Variants in PRKX observed in about 807,000 individuals in gnomAD.
PRKX encodes protein kinase cAMP-dependent X-linked catalytic subunit, also known as cAMP-dependent protein kinase catalytic subunit PRKX.
A neutral mutation model predicts 22.0 loss-of-function variants in PRKX; 12 were observed. The observed-to-expected ratio is 0.54, with a 90% CI of 0.35 to 0.88. PRKX has a LOEUF of 0.88. Among genes scored for constraint, PRKX ranks in the 40% least tolerant of loss-of-function variants. The pLI is 0.01. For synonymous variants in PRKX, 134 were observed against 137.7 expected (o/e 0.97, Z 0.19); for missense variants, 217 against 308.0 (o/e 0.70, Z 2.21).
chrX:3,626,964 G>C (rs1227556544), intron 4 of PRKX, among the ~76,000 whole-genome samples: 2 of 111,242 alleles, frequency 1.8e-5, no homozygotes, highest in African/African-American at 3.3e-5. Flanking sequence ...TGGACAGGTG[G>C]TCTTCACAGA....
chrX:3,697,733 T>A (rs1221284500), intron 1 of PRKX, among the ~76,000 whole-genome samples: 1 of 110,242 alleles, frequency 9.1e-6, no homozygotes, highest in Non-Finnish European at 1.9e-5. Flanking sequence ...TTTGTTTTTG[T>A]AGAGACAGGT....
intron 1 of PRKX, among the ~76,000 whole-genome samples, chrX:3,689,890 TGG>T (rs2146604350): frequency 1.8e-5 from 2 of 110,942 alleles, no homozygotes; most frequent in South Asian, 7.8e-4. Context: ...GGCAGGAGGA[TGG>T]CGTGAACCCG....
intron 3 of PRKX, among the ~76,000 whole-genome samples, chrX:3,647,688 T>C (rs1238059816): frequency 9.1e-6 from 1 of 109,329 alleles, no homozygotes; most frequent in Non-Finnish European, 1.9e-5. Context: ...ATTATGATTT[T>C]ATATGTATGA....
At chrX:3,648,606 CTGTGTGTGTGTG>C (rs58698248) in intron 3 of PRKX, among the ~76,000 whole-genome samples, 51 of 72,246 alleles carry the variant, frequency 7.1e-4, no homozygotes, top group Middle Eastern at 7.6e-3. Context: ...CTCTCTACTC[CTGTGTGTGTGTG>C]TGTGTGTGTG....
intron 2 of PRKX, among the ~76,000 whole-genome samples, chrX:3,661,263 A>T (rs1489965476): frequency 9.0e-6 from 1 of 111,612 alleles, no homozygotes; most frequent in East Asian, 2.8e-4. Context: ...AGTAAATATT[A>T]TAAGAAAAAA....
intron 1 of PRKX, among the ~76,000 whole-genome samples, chrX:3,693,399 A>G (rs986533833): frequency 9.0e-6 from 1 of 111,110 alleles, no homozygotes; most frequent in African/African-American, 3.3e-5. Flanking sequence ...TGCAAGAGGG[A>G]GGGTGGAGAT....
intron 1 of PRKX, among the ~76,000 whole-genome samples, chrX:3,709,995 C>G (rs1481666315): frequency 9.2e-6 from 1 of 108,914 alleles, no homozygotes; most frequent in African/African-American, 3.4e-5. Flanking sequence ...ACTATATTGC[C>G]CAGGCTGGTC....
intron 4 of PRKX, among the ~76,000 whole-genome samples, chrX:3,630,764 T>A (rs1007125469): frequency 9.0e-6 from 1 of 111,023 alleles, no homozygotes; most frequent in African/African-American, 3.3e-5. Flanking sequence ...CATGAGACTG[T>A]ACTAGGGCAA....
At chrX:3,611,756 TTTC>T (rs989987500) in intron 8 of PRKX, among the ~76,000 whole-genome samples, 10 of 111,751 alleles carry the variant, frequency 8.9e-5, no homozygotes, top group African/African-American at 1.3e-4. Flanking sequence ...TGAGGGCATA[TTTC>T]TTCTTCTTAT....
At chrX:3,696,114 T>C (rs1268524992) in intron 1 of PRKX, among the ~76,000 whole-genome samples, 4 of 110,219 alleles carry the variant, frequency 3.6e-5, no homozygotes, top group Non-Finnish European at 5.7e-5. Context: ...ATGAATGGGA[T>C]CAATGTCCTT....
chrX:3,706,991 G>T (rs755470491), intron 1 of PRKX, among the ~76,000 whole-genome samples: 2 of 111,542 alleles, frequency 1.8e-5, no homozygotes, highest in Admixed American at 9.6e-5. Flanking sequence ...GCTGAGTGTG[G>T]TGGTGCACGT....
chrX:3,670,656 CT>C lies in PRKX; in HGVS notation c.335+3941del, dbSNP rs780836431. Among the ~76,000 whole-genome samples the C allele has an allele frequency of 5.7e-3, 634 of 110,478 alleles. 5 individuals carry two copies. Among genetic ancestry groups the C allele is most frequent in the African/African-American group, 0.019 (591 of 30,387 alleles). On this transcript the variant is annotated intron_variant, in intron 2 of 8. Coordinates refer to ENST00000262848, the MANE Select transcript of PRKX (RefSeq NM_005044.5). ...CGCCTCCCAGGATCAAGCGATCCCC[CT>C]ACCTCAGCCTCCTGAGTAGCAGGGA...
At chrX:3,692,693 A>G (rs1436705376) in intron 1 of PRKX, among the ~76,000 whole-genome samples, 1 of 110,166 alleles carries the variant, frequency 9.1e-6, no homozygotes, top group Non-Finnish European at 1.9e-5. Flanking sequence ...ACGCCTGGCT[A>G]ATTTTTTGTA....
At chrX:3,692,409 G>C (rs184633646) in intron 1 of PRKX, among the ~76,000 whole-genome samples, 2 of 110,859 alleles carry the variant, frequency 1.8e-5, no homozygotes, top group Non-Finnish European at 3.8e-5. Flanking sequence ...AGCACTGCCC[G>C]TAGTATCGCC....
At chrX:3,648,657 T>TGTGTGTGTGTGA (rs1423032631) in intron 3 of PRKX, among the ~76,000 whole-genome samples, 3 of 101,684 alleles carry the variant, frequency 3.0e-5, no homozygotes, top group Non-Finnish European at 4.0e-5. Flanking sequence ...TGTGTGTGTG[T>TGTGTGTGTGTGA]GAAAGGGGTA....
At chrX:3,697,172 G>A (rs751313118) in intron 1 of PRKX, among the ~76,000 whole-genome samples, 1 of 111,544 alleles carries the variant, frequency 9.0e-6, no homozygotes, top group South Asian at 3.7e-4. Flanking sequence ...TGGATAATAC[G>A]GCAAACCATC....
intron 2 of PRKX, among the ~76,000 whole-genome samples, chrX:3,663,461 CACACACAAAA>C (rs1428257044): frequency 1.1e-3 from 86 of 78,729 alleles, no homozygotes; most frequent in South Asian, 4.2e-3. Flanking sequence ...CACACACACA[CACACACAAAA>C]AAATTCAATT....
intron 2 of PRKX, among the ~76,000 whole-genome samples, chrX:3,671,249 T>C (rs906110164): frequency 2.7e-5 from 3 of 110,436 alleles, no homozygotes; most frequent in East Asian, 2.9e-4. Context: ...TTGGCCAGGC[T>C]AGAATTTTCT....
At chrX:3,698,942 C>T (rs749447069) in intron 1 of PRKX, among the ~76,000 whole-genome samples, 1 of 107,091 alleles carries the variant, frequency 9.3e-6, no homozygotes, top group African/African-American at 3.5e-5. Context: ...ACACACTCGC[C>T]CACCATCCCA....
Sources: gnomAD v4.1 joint callset for allele counts (sites outside exome capture counted in the v4.1 genomes callset) on GRCh38, gnomAD v4.1.1 for gene constraint, MANE v1.5 for transcripts, NCBI Gene and HGNC (gene_info 2026-07-23, HGNC 2026-07-21) for gene names.